Variants in TANK observed in about 807,000 individuals in gnomAD.
TANK encodes TRAF family member-associated NF-kappa-B activator.
In TANK, 15 loss-of-function variants were observed where a neutral mutation model predicts 43.6. The ratio of observed to expected loss-of-function variants is 0.34; its 90% CI spans 0.23 to 0.53. The LOEUF (loss-of-function observed/expected upper bound fraction) is 0.53. Among genes scored for constraint, TANK ranks in the 20% least tolerant of loss-of-function variants. The pLI is 0.94. For missense variants in TANK, 417 were observed against 498.6 expected (o/e 0.84, Z 1.56); for synonymous variants, 162 against 178.2 (o/e 0.91, Z 0.73).
intron 2 of TANK, among the ~76,000 whole-genome samples, chr2:161,190,394 A>G (rs1200926286): frequency 6.6e-6 from 1 of 152,182 alleles, no homozygotes; most frequent in Non-Finnish European, 1.5e-5. Context: ...TGGTATGGCA[A>G]TTCTTAAAAA....
chr2:161,138,666 C>G (rs10174160), intron 1 of TANK, among the ~76,000 whole-genome samples: 17,507 of 152,206 alleles, frequency 0.12, 1,741 homozygotes, highest in African/African-American at 0.26. Context: ...AACCTGCCTT[C>G]AGGTTCTGCC....
At chr2:161,226,558 A>G (rs985979457) in intron 6 of TANK, among the ~76,000 whole-genome samples, 3 of 152,172 alleles carry the variant, frequency 2.0e-5, no homozygotes, top group Non-Finnish European at 4.4e-5. Flanking sequence ...TTTGCACAAT[A>G]TATCTGGGAA....
At position 161,180,171 on chromosome 2, in the gene TANK, A is replaced by G. The variant is rs560940454; in HGVS notation, c.99+410A>G. 5 of 908,544 alleles carry G rather than the reference A, an allele frequency of 5.5e-6. No homozygotes were observed. The South Asian group carries it at 2.0e-4, about 36-fold the overall frequency. 56.3% of individuals were successfully genotyped at this position (908,544 alleles called of 1,614,324 possible). A position where few individuals can be genotyped will look rare whatever the true frequency, so the allele number is the denominator to read the frequency against. ...AGGAAAACTTTTCAAATCTTAAAAT[A>G]TTTAAGAACTAAATTTGGTATTAAT... On this transcript the variant is annotated intron_variant, in intron 2 of 7. Coordinates refer to ENST00000392749, the MANE Select transcript of TANK (RefSeq NM_001199135.3).
At chr2:161,188,067 G>A (rs1229466219) in intron 2 of TANK, among the ~76,000 whole-genome samples, 1 of 152,150 alleles carries the variant, frequency 6.6e-6, no homozygotes, top group Non-Finnish European at 1.5e-5. Flanking sequence ...GCAGTGAATA[G>A]AGAAATGTTT....
chr2:161,165,974 G>A (rs1684661638), intron 1 of TANK, among the ~76,000 whole-genome samples: 1 of 152,160 alleles, frequency 6.6e-6, no homozygotes, highest in African/African-American at 2.4e-5. Context: ...CTCAGAGAAA[G>A]AAGTATTACT....
intron 1 of TANK, 171 bp downstream of exon 1, chr2:161,160,657 A>G (rs1684376651): frequency 1.9e-6 from 1 of 514,090 alleles, no homozygotes; most frequent in Non-Finnish European, 3.3e-6. Flanking sequence ...TTTGTGCGGG[A>G]GAAACCACGC....
chr2:161,207,172 A>G (rs1377159460), intron 4 of TANK, among the ~76,000 whole-genome samples: 1 of 152,140 alleles, frequency 6.6e-6, no homozygotes. Context: ...TGAAATATAT[A>G]TTTGGATACC....
At chr2:161,218,767 G>A (rs912609848) in intron 4 of TANK, among the ~76,000 whole-genome samples, 2 of 152,146 alleles carry the variant, frequency 1.3e-5, no homozygotes, top group African/African-American at 2.4e-5. Flanking sequence ...ATGGTGTAGT[G>A]GCATAACACT....
intron 1 of TANK, among the ~76,000 whole-genome samples, chr2:161,169,917 A>G (rs1684867685): frequency 6.6e-6 from 1 of 152,224 alleles, no homozygotes; most frequent in Non-Finnish European, 1.5e-5. Context: ...ATTAAAAATG[A>G]GGTAGTTTAT....
intron 2 of TANK, among the ~76,000 whole-genome samples, chr2:161,192,884 C>T (rs951873508): frequency 2.0e-5 from 3 of 152,086 alleles, no homozygotes; most frequent in African/African-American, 4.8e-5. Flanking sequence ...TTTATCAGAC[C>T]GAAGACCATA....
intron 2 of TANK, among the ~76,000 whole-genome samples, chr2:161,182,199 A>T (rs1685460253): frequency 6.6e-6 from 1 of 152,122 alleles, no homozygotes; most frequent in Admixed American, 6.6e-5. Context: ...ATTGTGACCA[A>T]ATGTGTGTGG....
chr2:161,232,995 G>T, intron 7 of TANK: 1 of 879,490 alleles, frequency 1.1e-6, no homozygotes, highest in Admixed American at 3.0e-5. Context: ...CTTAAAATGA[G>T]TTTTTTAAAA....
intron 4 of TANK, among the ~76,000 whole-genome samples, chr2:161,220,578 G>A (rs1055906927): frequency 2.6e-5 from 4 of 151,898 alleles, no homozygotes; most frequent in African/African-American, 9.7e-5. Flanking sequence ...ACTCCAGCCA[G>A]GACAACAAAA....
chr2:161,161,308 T>A, intron 1 of TANK: 1 of 1,550,562 alleles, frequency 6.4e-7, no homozygotes. Flanking sequence ...CAAGTTATAA[T>A]AAGGGAGAGA....
chr2:161,186,922 A>G (rs746125746), intron 2 of TANK, among the ~76,000 whole-genome samples: 1 of 152,246 alleles, frequency 6.6e-6, no homozygotes, highest in Admixed American at 6.5e-5. Context: ...AAAAATGCTT[A>G]CCATACTAAT....
intron 4 of TANK, among the ~76,000 whole-genome samples, chr2:161,210,148 A>AT (rs1434072854): frequency 6.6e-6 from 1 of 152,170 alleles, no homozygotes; most frequent in Non-Finnish European, 1.5e-5. Flanking sequence ...AACAAGAAAG[A>AT]TTTTTTAGGT....
At chr2:161,160,949 G>A (rs1178358604) in intron 1 of TANK, 2 of 426,224 alleles carry the variant, frequency 4.7e-6, no homozygotes, top group Admixed American at 3.3e-5. Flanking sequence ...TTTTCCCAAG[G>A]TGGTTGCACA....
intron 4 of TANK, chr2:161,211,912 T>TG: frequency 1.0e-6 from 1 of 984,028 alleles, no homozygotes; most frequent in East Asian, 1.1e-4. Context: ...TATACCCTAT[T>TG]TTTATATATA....
intron 1 of TANK, chr2:161,140,086 A>C: frequency 3.8e-6 from 1 of 260,884 alleles, no homozygotes; most frequent in Non-Finnish European, 6.0e-6. Context: ...TCTAGAACAT[A>C]TCACTGATAG....
Sources: allele counts gnomAD v4.1 joint callset (sites outside exome capture counted in the v4.1 genomes callset), GRCh38; gene constraint gnomAD v4.1.1; transcripts MANE v1.5; gene names NCBI Gene and HGNC (gene_info 2026-07-23, HGNC 2026-07-21).